The following CELF2 variants were observed in gnomAD, a reference collection of about 807,000 sequenced individuals.
CELF2 encodes CUGBP Elav-like family member 2, also known as CUG triplet repeat RNA-binding protein 2.
In CELF2, 8 loss-of-function variants were observed where a neutral mutation model predicts 62.6. The observed-to-expected ratio is 0.13, with a 90% CI of 0.07 to 0.23. CELF2 has a LOEUF of 0.23. Ranked by LOEUF, CELF2 falls within the 10% of genes least tolerant of loss-of-function variation. The probability of loss-of-function intolerance (pLI) is 1.00; values close to 1 mark genes in which losing one functional copy is unlikely to be tolerated. For missense variants in CELF2, 333 were observed against 671.0 expected, an observed-to-expected ratio of 0.50 and a Z score of 5.56; for synonymous variants, 258 against 250.0, an observed-to-expected ratio of 1.03 and a Z score of -0.30.
At chr10:11,097,126 T>C (rs1667364251) in intron 1 of CELF2, among the ~76,000 whole-genome samples, 1 of 152,210 alleles carries the variant, frequency 6.6e-6, no homozygotes, top group Non-Finnish European at 1.5e-5. Context: ...TCCAAATCTT[T>C]TTTTAGTTAA....
In CELF2 at chr10:11,280,967, C is replaced by A. The variant is rs979151170; in HGVS notation, c.841+5847C>A. On this transcript the variant is annotated intron_variant, in intron 8 of 12. Coordinates refer to ENST00000633077, the MANE Select transcript of CELF2 (RefSeq NM_001326342.2). The surrounding 1 kb of genome is among the most constrained non-coding windows in gnomAD (Gnocchi z 7.6). ...CTCGCCTGGCTGCTTCTGATGCTGG[C>A]GTGCGTGTGCATGCCTGTGTGCGTG... Among the ~76,000 whole-genome samples, 1 of 148,430 alleles carries A rather than the reference C, an allele frequency of 6.7e-6. No homozygotes were observed. Among genetic ancestry groups the A allele is most frequent in the African/African-American group, 2.5e-5 (1 of 39,254 alleles).
At chr10:10,732,376 T>C in the CELF2 span, among the ~76,000 whole-genome samples, 607 of 152,280 alleles carry the variant, frequency 4.0e-3, 6 homozygotes, top group African/African-American at 0.014. Context: ...ATTTTATGAA[T>C]ATGTTTTTGC....
At chr10:11,088,564 C>CAGTGTGCATACCCCTGCTCACCT (rs148433754) in intron 1 of CELF2, among the ~76,000 whole-genome samples, 2 of 151,980 alleles carry the variant, frequency 1.3e-5, no homozygotes, top group Non-Finnish European at 2.9e-5. Flanking sequence ...CTAGCAGAGC[C>CAGTGTGCATACCCCTGCTCACCT]GGATTTCTCA....
intron 2 of CELF2, among the ~76,000 whole-genome samples, chr10:11,196,045 A>C (rs2057384315): frequency 6.6e-6 from 1 of 151,880 alleles, no homozygotes; most frequent in South Asian, 2.1e-4. Context: ...AAAAAAAAAA[A>C]AACTGGTCCC....
the CELF2 span, among the ~76,000 whole-genome samples, chr10:10,536,571 G>T: frequency 6.6e-6 from 1 of 152,162 alleles, no homozygotes; most frequent in Non-Finnish European, 1.5e-5. Flanking sequence ...CCTTATAGTT[G>T]TATTTAACTG....
At chr10:11,180,999 A>G (rs1456296999) in intron 2 of CELF2, among the ~76,000 whole-genome samples, 3 of 152,098 alleles carry the variant, frequency 2.0e-5, no homozygotes, top group Non-Finnish European at 4.4e-5. Context: ...CTTCCCTAAT[A>G]ACTGGGACTA....
intron 2 of CELF2, among the ~76,000 whole-genome samples, chr10:10,984,258 CTT>C (rs2052482100): frequency 6.6e-6 from 1 of 152,196 alleles, no homozygotes; most frequent in South Asian, 2.1e-4. Context: ...TGGCCACCTT[CTT>C]TTTACTTCAC....
chr10:10,877,341 T>C (rs1234414676), intron 1 of CELF2, among the ~76,000 whole-genome samples: 1 of 152,270 alleles, frequency 6.6e-6, no homozygotes, highest in East Asian at 1.9e-4. Flanking sequence ...TTTGGTTTTA[T>C]ACATTTTAGG....
rs559026374 is a variant in CELF2 at position 10,919,550 on chromosome 10, A to G, written c.54-414A>G. On this transcript the variant is annotated intron_variant, in intron 1 of 13. Coordinates refer to the CELF2 transcript ENST00000636488. ...CTTCGGGTGACAGAGGTCAACATGAAGCAACATCCCCAAAGGAATACATTT... is the reference window on the plus strand; with the variant it reads ...CTTCGGGTGACAGAGGTCAACATGAGGCAACATCCCCAAAGGAATACATTT... Among the ~76,000 whole-genome samples, 3 of 152,360 alleles carry G rather than the reference A, an allele frequency of 2.0e-5. No individual in the cohort carries two copies. The South Asian group carries it at 6.2e-4, about 32-fold the overall frequency.
At chr10:11,013,391 A>G (rs762480710), upstream of CELF2, among the ~76,000 whole-genome samples, 13 of 152,226 alleles carry the variant, frequency 8.5e-5, no homozygotes, top group Non-Finnish European at 1.6e-4. The surrounding 1 kb of genome is among the most constrained non-coding windows in gnomAD (Gnocchi z 4.1). Context: ...TGAGAGATCC[A>G]CAGTGCTAAC....
upstream of CELF2, among the ~76,000 whole-genome samples, chr10:11,015,099 GC>G (rs1481221875): frequency 2.0e-5 from 3 of 152,156 alleles, no homozygotes; most frequent in Non-Finnish European, 4.4e-5. The surrounding 1 kb of genome is among the most constrained non-coding windows in gnomAD (Gnocchi z 4.8). Flanking sequence ...TTCAACAGCG[GC>G]CCCATAGAGC....
the CELF2 span, among the ~76,000 whole-genome samples, chr10:10,725,741 G>A: frequency 1.3e-5 from 2 of 152,166 alleles, no homozygotes; most frequent in South Asian, 2.1e-4. Context: ...TCTTGGCGAC[G>A]TGTTATAATC....
chr10:11,322,432 C>A (rs1425392152), intron 11 of CELF2, among the ~76,000 whole-genome samples: 2 of 152,188 alleles, frequency 1.3e-5, no homozygotes, highest in African/African-American at 2.4e-5. Flanking sequence ...GGTCATTCTT[C>A]CTTACTTGAA....
At chr10:11,275,372 A>G (rs17149996) in intron 8 of CELF2, among the ~76,000 whole-genome samples, 10,541 of 152,266 alleles carry the variant, frequency 0.069, 557 homozygotes, top group African/African-American at 0.13. Context: ...ATTGGCATCT[A>G]TATCAACAAA....
chr10:11,186,731 C>T (rs1448055356), intron 2 of CELF2, among the ~76,000 whole-genome samples: 2 of 152,044 alleles, frequency 1.3e-5, no homozygotes, highest in Non-Finnish European at 2.9e-5. Flanking sequence ...CATTTTGGAT[C>T]AGGAAAGGGA....
At chr10:10,814,664 A>G (rs1464265434) in intron 1 of CELF2, among the ~76,000 whole-genome samples, 1 of 152,204 alleles carries the variant, frequency 6.6e-6, no homozygotes, top group Non-Finnish European at 1.5e-5. Context: ...GGGCCAAATG[A>G]GGTAACATGG....
At chr10:10,740,342 C>A in the CELF2 span, among the ~76,000 whole-genome samples, 1 of 151,990 alleles carries the variant, frequency 6.6e-6, no homozygotes. Flanking sequence ...TTGCATGTGG[C>A]TATCCAGTTT....
chr10:10,749,529 T>C, the CELF2 span, among the ~76,000 whole-genome samples: 1 of 152,212 alleles, frequency 6.6e-6, no homozygotes, highest in South Asian at 2.1e-4. Flanking sequence ...TGATACAATC[T>C]GAATGTCTCA....
At chr10:10,537,926 C>T in the CELF2 span, among the ~76,000 whole-genome samples, 876 of 152,194 alleles carry the variant, frequency 5.8e-3, 10 homozygotes, top group African/African-American at 0.02. Context: ...TCCGTGGCCG[C>T]GGGAGCCTGA....
Sources: allele counts gnomAD v4.1 joint callset (sites outside exome capture counted in the v4.1 genomes callset), GRCh38; gene constraint gnomAD v4.1.1; non-coding constraint Gnocchi (gnomAD v3.1); transcripts MANE v1.5; gene names NCBI Gene and HGNC (gene_info 2026-07-23, HGNC 2026-07-21).